The following MCCC1 variants were observed in gnomAD, a reference collection of about 807,000 sequenced individuals.
MCCC1 encodes methylcrotonoyl-CoA carboxylase subunit alpha, mitochondrial.
In MCCC1, 64 loss-of-function variants were observed where a neutral mutation model predicts 83.8. The observed-to-expected ratio is 0.76, with a 90% CI of 0.62 to 0.94. The LOEUF (loss-of-function observed/expected upper bound fraction) is 0.94, where lower values mean the gene tolerates loss of function less well. Among genes scored for constraint, MCCC1 ranks in the 40% least tolerant of loss-of-function variants. The pLI, the probability that MCCC1 is intolerant of heterozygous loss-of-function variation, is 0.00. For missense variants in MCCC1, 807 were observed against 904.7 expected (o/e 0.89, Z 1.39); for synonymous variants, 322 against 315.4 (o/e 1.02, Z -0.22).
intron 13 of MCCC1, among the ~76,000 whole-genome samples, chr3:183,035,923 C>T (rs1370723498): frequency 1.3e-5 from 2 of 151,208 alleles, no homozygotes; most frequent in African/African-American, 4.9e-5. Context: ...GTGTGCTGCA[C>T]CTATTAACTC....
intron 5 of MCCC1, 76 bp downstream of exon 5, chr3:183,072,290 G>A (rs1477503003): frequency 1.6e-5 from 25 of 1,542,840 alleles, no homozygotes; most frequent in Admixed American, 6.8e-5. Flanking sequence ...GGTATTACAG[G>A]CATAGCCACA....
intron 14 of MCCC1, among the ~76,000 whole-genome samples, chr3:183,032,767 G>C (rs138812083): frequency 6.6e-6 from 1 of 151,872 alleles, no homozygotes; most frequent in Admixed American, 6.6e-5. Context: ...TCAGATACTC[G>C]GGAGGCTGAG....
intron 1 of MCCC1, among the ~76,000 whole-genome samples, chr3:183,105,395 T>TA (rs1266642367): frequency 6.6e-5 from 10 of 151,940 alleles, no homozygotes; most frequent in Non-Finnish European, 1.2e-4. Flanking sequence ...ATGCAGTCAT[T>TA]AAAAAAGAAT....
At chr3:183,027,157 G>A (rs996740903) in intron 14 of MCCC1, among the ~76,000 whole-genome samples, 9 of 152,082 alleles carry the variant, frequency 5.9e-5, no homozygotes, top group African/African-American at 1.7e-4. Context: ...CTCAATCTGC[G>A]CCCATGTAAG....
chr3:183,072,301 T>A, intron 5 of MCCC1, 65 bp downstream of exon 5: 2 of 1,589,126 alleles, frequency 1.3e-6, no homozygotes, highest in South Asian at 2.2e-5. Flanking sequence ...CATAGCCACA[T>A]GCCTGGCCCA....
intron 11 of MCCC1, among the ~76,000 whole-genome samples, chr3:183,040,256 A>T (rs1169406668): frequency 6.6e-6 from 1 of 152,034 alleles, no homozygotes; most frequent in Non-Finnish European, 1.5e-5. Flanking sequence ...AGAAGATCTA[A>T]ATCCTCATTT....
intron 14 of MCCC1, among the ~76,000 whole-genome samples, chr3:183,027,016 C>G (rs1712661011): frequency 6.6e-6 from 1 of 152,220 alleles, no homozygotes; most frequent in African/African-American, 2.4e-5. Context: ...AATTTTCCAA[C>G]AGCATGTGCT....
intron 4 of MCCC1, among the ~76,000 whole-genome samples, chr3:183,079,519 G>T (rs1344179480): frequency 6.6e-6 from 1 of 152,226 alleles, no homozygotes; most frequent in Non-Finnish European, 1.5e-5. Flanking sequence ...GTCTTGGGCA[G>T]CTCCAACCTT....
chr3:183,095,501 C>T (rs1560284412), intron 1 of MCCC1, among the ~76,000 whole-genome samples: 1 of 152,190 alleles, frequency 6.6e-6, no homozygotes, highest in African/African-American at 2.4e-5. Context: ...CATTCTCATC[C>T]GAGTCCCTCC....
rs756453782 is a variant in MCCC1, at chr3:183,025,827, T to A, written c.1682-23A>T. On this transcript the variant is annotated intron_variant, in intron 14 of 18. Transcript: ENST00000265594. ...CATCTTTATGGAAAAAGGGAAAAAA[T>A]GAAGAAAAATTAGAAGACATTCATT... 8 of 1,597,358 alleles carry A rather than the reference T, an allele frequency of 5.0e-6. No homozygotes were observed. The East Asian group carries it at 1.8e-4, about 36-fold the overall frequency.
intron 1 of MCCC1, among the ~76,000 whole-genome samples, chr3:183,107,539 T>TATTATTATTA (rs1491244816): frequency 2.0e-5 from 3 of 149,602 alleles, no homozygotes; most frequent in African/African-American, 7.6e-5. Flanking sequence ...TATTATTTGT[T>TATTATTATTA]GTTGTTGTTG....
chr3:183,098,922 C>A lies in MCCC1; in HGVS notation c.89+430G>T, dbSNP rs1718936196. 2.0e-5 allele frequency: 5 copies of A among 256,326 alleles called. 1 individual carries two copies. In the South Asian group the frequency reaches 2.5e-4, roughly 13 times the overall value. 15.9% of individuals were successfully genotyped at this position (256,326 alleles called of 1,614,324 possible). On this transcript the variant is annotated intron_variant, in intron 1 of 18. Transcript: ENST00000265594. ...ACTGAAAAATGGCTTTGAGGGCATC[C>A]CGGCCCCATTTCTTACTAGCTGTGT... is the stretch of plus-strand genomic sequence containing the variant.
At chr3:183,112,583 A>G (rs527395216) in intron 1 of MCCC1, among the ~76,000 whole-genome samples, 6 of 152,342 alleles carry the variant, frequency 3.9e-5, no homozygotes, top group African/African-American at 1.2e-4. Flanking sequence ...ACATTATACA[A>G]TTTTAATAAT....
At chr3:183,087,982 A>C (rs988049459) in intron 3 of MCCC1, among the ~76,000 whole-genome samples, 1 of 152,002 alleles carries the variant, frequency 6.6e-6, no homozygotes, top group Admixed American at 6.6e-5. Flanking sequence ...CACAGAAAAC[A>C]ACCTACATAA....
rs778908285 is a variant in MCCC1 at position 183,045,393 on chromosome 3, A to C, written c.1083+20T>G. 1.5e-5 allele frequency: 24 copies of C among 1,613,344 alleles called. 1 individual carries two copies. The South Asian group carries it at 2.6e-4, about 18-fold the overall frequency. On this transcript the variant is annotated intron_variant, in intron 10 of 18. Transcript: ENST00000265594. ...CCGCACCCAGCCAAGGCTGATTTTTAATAGAAAAAATATTCTCACTCTAAG... is the reference window on the plus strand; with the variant it reads ...CCGCACCCAGCCAAGGCTGATTTTTCATAGAAAAAATATTCTCACTCTAAG...
chr3:183,100,432 C>T (rs561510065), upstream of MCCC1, among the ~76,000 whole-genome samples: 24 of 152,212 alleles, frequency 1.6e-4, no homozygotes, highest in Non-Finnish European at 3.2e-4. Context: ...TTCACCTTCA[C>T]CTTCACCCCT....
At chr3:183,100,358 C>A (rs141294120), upstream of MCCC1, among the ~76,000 whole-genome samples, 1 of 152,070 alleles carries the variant, frequency 6.6e-6, no homozygotes, top group South Asian at 2.1e-4. Context: ...TTAAGCAAAC[C>A]GTTACCACAG....
rs531518426 is a variant in MCCC1, at chr3:183,089,827, C to T, written c.273+2582G>A. Among the ~76,000 whole-genome samples the T allele has an allele frequency of 3.3e-5, 5 of 152,084 alleles. No individual in the cohort carries two copies. The East Asian group carries it at 5.8e-4, about 18-fold the overall frequency. On this transcript the variant is annotated intron_variant, in intron 3 of 18. Transcript: ENST00000265594. ...TTATTAGCAATGGTGTTGTACTCTA[C>T]GGGGTTAGGGAATTCTGTAAGAAAT...
intron 16 of MCCC1, among the ~76,000 whole-genome samples, chr3:183,021,598 C>T (rs1295743536): frequency 6.6e-6 from 1 of 152,170 alleles, no homozygotes. Context: ...CGGCCAAGGT[C>T]ACATGGCTGT....
Sources: gnomAD v4.1 joint callset for allele counts (sites outside exome capture counted in the v4.1 genomes callset) on GRCh38, gnomAD v4.1.1 for gene constraint, MANE v1.5 for transcripts, NCBI Gene and HGNC (gene_info 2026-07-23, HGNC 2026-07-21) for gene names.